DAB1: variants seen among roughly 807,000 people sequenced by gnomAD.
DAB1 encodes the protein DAB adaptor protein 1.
A neutral mutation model predicts 64.6 loss-of-function variants in DAB1; 15 were observed. The ratio of observed to expected loss-of-function variants is 0.23; its 90% CI spans 0.16 to 0.36. DAB1 has a LOEUF of 0.36. Ranked by LOEUF, DAB1 falls within the 10% of genes least tolerant of loss-of-function variation. The pLI is 1.00. For synonymous variants in DAB1, 235 were observed against 251.9 expected (o/e 0.93, Z 0.64); for missense variants, 596 against 706.7 (o/e 0.84, Z 1.78).
At chr1:58,394,230 G>T (rs539491319) in intron 3 of DAB1, among the ~76,000 whole-genome samples, 5 of 152,332 alleles carry the variant, frequency 3.3e-5, no homozygotes, top group African/African-American at 1.2e-4. Flanking sequence ...TGTTGGCAGA[G>T]ATGTGGAACC....
intron 2 of DAB1, among the ~76,000 whole-genome samples, chr1:58,522,355 AAATTT>A (rs1200874091): frequency 2.0e-5 from 3 of 152,174 alleles, no homozygotes; most frequent in African/African-American, 7.2e-5. Flanking sequence ...GCATTTGATA[AAATTT>A]AATATATATA....
chr1:58,049,822 G>GCACACA (rs10701436), intron 5 of DAB1, among the ~76,000 whole-genome samples: 1 of 150,516 alleles, frequency 6.6e-6, no homozygotes, highest in African/African-American at 2.4e-5. Flanking sequence ...ACACGCATAT[G>GCACACA]CACACACACA....
intron 6 of DAB1, among the ~76,000 whole-genome samples, chr1:57,783,581 T>A (rs764589518): frequency 3.3e-5 from 5 of 152,204 alleles, no homozygotes; most frequent in Non-Finnish European, 5.9e-5. Flanking sequence ...GTGCACCATT[T>A]TATTGCCTTA....
At chr1:57,532,472 G>C (rs932538430) in intron 7 of DAB1, among the ~76,000 whole-genome samples, 17 of 152,118 alleles carry the variant, frequency 1.1e-4, no homozygotes, top group African/African-American at 2.4e-5. Flanking sequence ...TTTCCCATTT[G>C]GAAGCCATCT....
intron 4 of DAB1, among the ~76,000 whole-genome samples, chr1:57,116,379 T>C (rs1050805739): frequency 6.9e-6 from 1 of 144,190 alleles, no homozygotes; most frequent in African/African-American, 2.6e-5. Context: ...GGAGAATCAC[T>C]TGAACCCGGG....
At chr1:57,365,289 AT>A (rs1679896560) in intron 1 of DAB1, among the ~76,000 whole-genome samples, 1 of 142,112 alleles carries the variant, frequency 7.0e-6, no homozygotes, top group African/African-American at 2.6e-5. Context: ...ATATTTATAT[AT>A]TATATAAAGA....
chr1:58,513,387 G>A (rs937186270), intron 2 of DAB1, among the ~76,000 whole-genome samples: 3 of 152,076 alleles, frequency 2.0e-5, no homozygotes, highest in Admixed American at 6.6e-5. Flanking sequence ...TTACAGCACT[G>A]TGAAAATGGA....
rs143885937 is a variant in DAB1 at position 57,678,761 on chromosome 1, G to GTTTTTTTTTTTTTTTT, written n.552-29097_552-29096insAAAAAAAAAAAAAAAA. ...CTGGCATTCGTCCAGTGAGGCAACT[G>GTTTTTTTTTTTTTTTT]TTTTTTGTTTTTTTTTTCTTTGTTT... On this transcript the variant is annotated intron_variant and non_coding_transcript_variant, in intron 6 of 20. Coordinates refer to the DAB1 transcript ENST00000485760. 8.8e-5 allele frequency among the ~76,000 whole-genome samples: 12 copies of GTTTTTTTTTTTTTTTT among 135,808 alleles called. 1 individual carries two copies. Among genetic ancestry groups the GTTTTTTTTTTTTTTTT allele is most frequent in the Non-Finnish European group, 9.2e-5 (6 of 65,054 alleles). The allele number at this position is 135,808 out of a possible 152,430, so 89.1% of individuals were successfully genotyped here. A position where few individuals can be genotyped will look rare whatever the true frequency, so the allele number is the denominator to read the frequency against.
intron 1 of DAB1, among the ~76,000 whole-genome samples, chr1:57,401,374 A>T (rs996211431): frequency 6.6e-5 from 10 of 152,236 alleles, no homozygotes; most frequent in African/African-American, 2.4e-4. Context: ...ATAATTCAAA[A>T]TACTTTCATA....
intron 4 of DAB1, among the ~76,000 whole-genome samples, chr1:58,296,173 AAAAG>A (rs1224449532): frequency 2.8e-4 from 36 of 128,878 alleles, no homozygotes; most frequent in African/African-American, 8.6e-4. Flanking sequence ...AAAGAAAGAA[AAAAG>A]AAAGAAAGAG....
At chr1:57,150,936 G>A (rs139490017) in intron 2 of DAB1, among the ~76,000 whole-genome samples, 1,544 of 152,234 alleles carry the variant, frequency 0.01, 21 homozygotes, top group African/African-American at 0.036. Flanking sequence ...AGGGAGGATT[G>A]CTTGAGCCCA....
intron 1 of DAB1, among the ~76,000 whole-genome samples, chr1:57,831,923 G>C (rs1424594285): frequency 6.6e-6 from 1 of 152,068 alleles, no homozygotes; most frequent in East Asian, 1.9e-4. Context: ...TTGTTCTGTG[G>C]AAACAAAGGT....
At chr1:57,341,281 C>G (rs1028294192) in intron 1 of DAB1, among the ~76,000 whole-genome samples, 1 of 152,164 alleles carries the variant, frequency 6.6e-6, no homozygotes, top group Non-Finnish European at 1.5e-5. Flanking sequence ...ACCTTCAAAT[C>G]TGACCCAGTC....
chr1:57,495,679 A>T (rs982521876), intron 7 of DAB1, among the ~76,000 whole-genome samples: 6 of 152,216 alleles, frequency 3.9e-5, no homozygotes, highest in African/African-American at 1.4e-4. Flanking sequence ...TGTTTATGAA[A>T]TATGGTATAG....
At chr1:58,268,305 T>G (rs1438540312) in intron 4 of DAB1, among the ~76,000 whole-genome samples, 5 of 152,140 alleles carry the variant, frequency 3.3e-5, no homozygotes, top group Non-Finnish European at 7.4e-5. Flanking sequence ...TAGATATATT[T>G]AAGACCTGAG....
chr1:57,873,434 A>G (rs1351798087), intron 1 of DAB1, among the ~76,000 whole-genome samples: 1 of 152,152 alleles, frequency 6.6e-6, no homozygotes, highest in Non-Finnish European at 1.5e-5. Context: ...ATAAGCTATA[A>G]TCACTATCTT....
Position 58,370,462 on chromosome 1 carries a change from A to G in DAB1, n.258-27059T>C, listed in dbSNP as rs80194941. On this transcript the variant is annotated intron_variant and non_coding_transcript_variant, in intron 3 of 20. Transcript: ENST00000485760. ...AAATGGAATTCCAGAATCTAAACCA[A>G]TATTGTGATCATGGCTGCCTCTGAA... Among the ~76,000 whole-genome samples, 1,396 of 151,656 alleles carry G rather than the reference A, an allele frequency of 9.2e-3. 21 individuals carry two copies. Among genetic ancestry groups the G allele is most frequent in the African/African-American group, 0.032 (1,316 of 41,314 alleles).
chr1:58,244,548 T>A (rs947109939), intron 4 of DAB1, among the ~76,000 whole-genome samples: 3 of 152,218 alleles, frequency 2.0e-5, no homozygotes, highest in Non-Finnish European at 4.4e-5. Context: ...CTCTATTATG[T>A]CACTTGGTCA....
At chr1:57,535,464 G>A (rs1385240349) in intron 7 of DAB1, among the ~76,000 whole-genome samples, 1 of 134,210 alleles carries the variant, frequency 7.5e-6, no homozygotes, top group Admixed American at 9.3e-5. Flanking sequence ...CATTTTGTTG[G>A]ACATTCTTTT....
Sources: gnomAD v4.1 joint callset for allele counts (sites outside exome capture counted in the v4.1 genomes callset) on GRCh38, gnomAD v4.1.1 for gene constraint, MANE v1.5 for transcripts, NCBI Gene and HGNC (gene_info 2026-07-23, HGNC 2026-07-21) for gene names.